Variants in KCNQ3 observed in about 807,000 individuals in gnomAD.
KCNQ3 encodes potassium voltage-gated channel subfamily KQT member 3.
A neutral mutation model predicts 92.5 loss-of-function variants in KCNQ3; 30 were observed. The observed-to-expected ratio is 0.32, with a 90% CI of 0.24 to 0.44. The LOEUF (loss-of-function observed/expected upper bound fraction) is 0.44, where lower values mean the gene tolerates loss of function less well. Ranked by LOEUF, KCNQ3 falls within the 20% of genes least tolerant of loss-of-function variation. The probability of loss-of-function intolerance (pLI) is 1.00; values close to 1 mark genes in which losing one functional copy is unlikely to be tolerated. For synonymous variants in KCNQ3, 450 were observed against 468.8 expected (o/e 0.96, Z 0.52); for missense variants, 913 against 1,140.3 (o/e 0.80, Z 2.87).
chr8:132,419,826 C>T (rs1210667943), intron 1 of KCNQ3, among the ~76,000 whole-genome samples: 1 of 152,180 alleles, frequency 6.6e-6, no homozygotes, highest in East Asian at 1.9e-4. Flanking sequence ...ACTGATAAGT[C>T]CTGTAATTGA....
intron 1 of KCNQ3, among the ~76,000 whole-genome samples, chr8:132,445,279 C>A (rs1159723619): frequency 6.6e-6 from 1 of 152,086 alleles, no homozygotes; most frequent in African/African-American, 2.4e-5. Flanking sequence ...GAGGGTCAGG[C>A]CCCAGATCAG....
At chr8:132,312,020 A>G (rs562528168) in intron 1 of KCNQ3, among the ~76,000 whole-genome samples, 5 of 152,120 alleles carry the variant, frequency 3.3e-5, no homozygotes, top group South Asian at 2.1e-4. Flanking sequence ...GGGGGCAGAG[A>G]TGGAGTGATG....
intron 13 of KCNQ3, among the ~76,000 whole-genome samples, chr8:132,133,083 G>T (rs1389511670): frequency 1.3e-5 from 2 of 152,118 alleles, no homozygotes; most frequent in Admixed American, 1.3e-4. Flanking sequence ...GGCCTGCACG[G>T]GGTTTTAAAA....
chr8:132,141,502 TC>T (rs758477865), intron 9 of KCNQ3, among the ~76,000 whole-genome samples, 171 bp from the exon 10 acceptor site: 2 of 152,168 alleles, frequency 1.3e-5, no homozygotes, highest in African/African-American at 2.4e-5. Context: ...GTGGTTCAAA[TC>T]CTAGCTCCAC....
chr8:132,474,763 CA>C (rs1822370997), intron 1 of KCNQ3, among the ~76,000 whole-genome samples: 1 of 152,074 alleles, frequency 6.6e-6, no homozygotes, highest in South Asian at 2.1e-4. Context: ...GCTCTCAGCT[CA>C]ACAGGGCAGA....
At position 132,125,132 on chromosome 8, in the gene KCNQ3, C is replaced by T. The variant is rs1225615396; in HGVS notation, c.*4130G>A. On this transcript the variant is annotated 3_prime_UTR_variant, in exon 15 of 15. Transcript: ENST00000388996. ...GAGACAAGAAGAAAGCTGGTTTCTC[C>T]AACAATCTTCCTCAGATTCCCTAGA... 1.3e-5 allele frequency: 2 copies of T among 152,138 alleles called. No individual in the cohort carries two copies. The highest frequency in any genetic ancestry group is 4.8e-5 in the African/African-American group (2 of 41,422). 9.4% of individuals were successfully genotyped at this position (152,138 alleles called of 1,614,324 possible).
At chr8:132,222,032 A>G (rs1814255996) in intron 1 of KCNQ3, among the ~76,000 whole-genome samples, 1 of 152,254 alleles carries the variant, frequency 6.6e-6, no homozygotes, top group Non-Finnish European at 1.5e-5. Context: ...TAAAATAACA[A>G]AAGCAATGGC....
intron 4 of KCNQ3, 45 bp from the exon 5 acceptor site, chr8:132,175,653 C>G: frequency 6.3e-7 from 1 of 1,594,976 alleles, no homozygotes; most frequent in Non-Finnish European, 8.6e-7. Flanking sequence ...ACTGGGGAGT[C>G]GTTGAGTGGA....
chr8:132,410,934 A>G (rs1328302619), intron 1 of KCNQ3, among the ~76,000 whole-genome samples: 1 of 152,208 alleles, frequency 6.6e-6, no homozygotes, highest in Non-Finnish European at 1.5e-5. Context: ...ACCTCACCGT[A>G]CACACAAAGC....
chr8:132,375,965 C>T (rs1819595383), intron 1 of KCNQ3, among the ~76,000 whole-genome samples: 1 of 152,194 alleles, frequency 6.6e-6, no homozygotes, highest in African/African-American at 2.4e-5. Flanking sequence ...CATTTACTGA[C>T]TTTCAGCTCC....
intron 1 of KCNQ3, among the ~76,000 whole-genome samples, chr8:132,362,888 C>T (rs544972253): frequency 8.6e-5 from 13 of 152,032 alleles, no homozygotes; most frequent in African/African-American, 2.9e-4. Context: ...GGGGCGAGGG[C>T]GGCGTGGGTT....
chr8:132,244,089 C>A (rs1035513906), intron 1 of KCNQ3, among the ~76,000 whole-genome samples: 1 of 152,142 alleles, frequency 6.6e-6, no homozygotes, highest in South Asian at 2.1e-4. Flanking sequence ...TCCTCCTACA[C>A]CCCCTGGAAT....
At chr8:132,280,424 T>C (rs1385153772) in intron 1 of KCNQ3, among the ~76,000 whole-genome samples, 1 of 152,138 alleles carries the variant, frequency 6.6e-6, no homozygotes, top group Admixed American at 6.6e-5. Context: ...GCATCTCACA[T>C]GGCAGGAGAA....
In KCNQ3 at chr8:132,256,406, G is replaced by A. The variant is rs146517098; in HGVS notation, c.387-70225C>T. Among the ~76,000 whole-genome samples the A allele has an allele frequency of 4.6e-3, 700 of 152,252 alleles. 5 individuals are homozygous for A. Among genetic ancestry groups the A allele is most frequent in the African/African-American group, 0.016 (666 of 41,564 alleles). On this transcript the variant is annotated intron_variant, in intron 1 of 14. Coordinates refer to ENST00000388996, the MANE Select transcript of KCNQ3 (RefSeq NM_004519.4). ...AACATATGCACATGGAAGTTCCAGA[G>A]GGGAGAGGAGATAGAGGAAGGGTCA...
chr8:132,273,585 C>T (rs1816231629), intron 1 of KCNQ3, among the ~76,000 whole-genome samples: 1 of 152,210 alleles, frequency 6.6e-6, no homozygotes, highest in Non-Finnish European at 1.5e-5. Flanking sequence ...TGCTTATGCA[C>T]ATTTCTATAG....
chr8:132,227,374 A>G lies in KCNQ3; in HGVS notation c.387-41193T>C, dbSNP rs150694964. Among the ~76,000 whole-genome samples the G allele has an allele frequency of 9.6e-3, 1,459 of 152,072 alleles. 10 individuals carry two copies. The highest frequency in any genetic ancestry group is 0.014 in the Non-Finnish European group (984 of 67,978). Reference sequence around the variant, plus strand: ...CACACCCGGCCCCACTGGTGTCTTTATAAGAGGAAATCTGGAGACACAAAG... The same window carrying G: ...CACACCCGGCCCCACTGGTGTCTTTGTAAGAGGAAATCTGGAGACACAAAG... On this transcript the variant is annotated intron_variant, in intron 1 of 14. Transcript: ENST00000388996.
At chr8:132,206,572 T>C (rs993499442) in intron 1 of KCNQ3, among the ~76,000 whole-genome samples, 1 of 152,254 alleles carries the variant, frequency 6.6e-6, no homozygotes, top group African/African-American at 2.4e-5. Flanking sequence ...GTCCACATTT[T>C]ATATTATTAA....
chr8:132,410,416 T>A (rs559344760), intron 1 of KCNQ3, among the ~76,000 whole-genome samples: 83 of 152,164 alleles, frequency 5.5e-4, no homozygotes, highest in Non-Finnish European at 1.0e-3. Context: ...GAGGGAAAGA[T>A]GTTGGACTTT....
At chr8:132,138,812 C>G (rs979795678) in intron 11 of KCNQ3, among the ~76,000 whole-genome samples, 3 of 152,206 alleles carry the variant, frequency 2.0e-5, no homozygotes, top group Admixed American at 6.5e-5. Flanking sequence ...TTTTGTTTGT[C>G]ATAGCTCGTG....
Sources: allele counts gnomAD v4.1 joint callset (sites outside exome capture counted in the v4.1 genomes callset), GRCh38; gene constraint gnomAD v4.1.1; transcripts MANE v1.5; gene names NCBI Gene and HGNC (gene_info 2026-07-23, HGNC 2026-07-21).